The following DNM3 variants were observed in gnomAD, a reference collection of about 807,000 sequenced individuals.
DNM3 encodes the protein dynamin-3.
In DNM3, 47 loss-of-function variants were observed where a neutral mutation model predicts 101.6. The observed-to-expected ratio is 0.46, with a 90% confidence interval of 0.37 to 0.59. The LOEUF (loss-of-function observed/expected upper bound fraction) is 0.59. Among genes scored for constraint, DNM3 ranks in the 20% least tolerant of loss-of-function variants. The pLI, the probability that DNM3 is intolerant of heterozygous loss-of-function variation, is 0.00. For synonymous variants in DNM3, 385 were observed against 387.9 expected, an observed-to-expected ratio of 0.99 and a Z score of 0.09; for missense variants, 849 against 1,085.7, an observed-to-expected ratio of 0.78 and a Z score of 3.06.
chr1:172,327,552 T>C (rs1264259806), intron 17 of DNM3, among the ~76,000 whole-genome samples: 1 of 152,060 alleles, frequency 6.6e-6, no homozygotes, highest in East Asian at 1.9e-4. Flanking sequence ...GAGCAGAGAG[T>C]ACAGTGTCAT....
chr1:172,059,917 C>T (rs1226598971), intron 10 of DNM3, among the ~76,000 whole-genome samples: 2 of 127,028 alleles, frequency 1.6e-5, no homozygotes, highest in African/African-American at 6.1e-5. Context: ...TCCCTGTTTG[C>T]AGACGACATG....
chr1:171,889,490 A>G (rs1377323137), intron 1 of DNM3, among the ~76,000 whole-genome samples: 1 of 152,232 alleles, frequency 6.6e-6, no homozygotes, highest in East Asian at 1.9e-4. Flanking sequence ...GTGACTTTCC[A>G]GTAGTAGAAT....
chr1:172,336,179 G>A (rs2066420602), intron 17 of DNM3, among the ~76,000 whole-genome samples: 1 of 152,138 alleles, frequency 6.6e-6, no homozygotes, highest in African/African-American at 2.4e-5. Context: ...TAAAATGTCA[G>A]TAGTACTGCT....
At chr1:172,304,887 G>A (rs953489419) in intron 15 of DNM3, among the ~76,000 whole-genome samples, 1 of 152,286 alleles carries the variant, frequency 6.6e-6, no homozygotes, top group African/African-American at 2.4e-5. Context: ...AAAGCAGTGT[G>A]TAGAGGGAAA....
chr1:172,317,776 C>G (rs1449099890), intron 16 of DNM3, among the ~76,000 whole-genome samples: 2 of 152,126 alleles, frequency 1.3e-5, no homozygotes, highest in African/African-American at 4.8e-5. Context: ...GAGTCCAGGA[C>G]CAGATGGATT....
intron 2 of DNM3, among the ~76,000 whole-genome samples, chr1:171,950,478 T>A (rs2208369): frequency 1.3e-5 from 2 of 152,090 alleles, no homozygotes; most frequent in East Asian, 1.9e-4. Flanking sequence ...GTGTTCTGAG[T>A]GCATTTATAG....
chr1:171,878,128 G>A (rs552653696), intron 1 of DNM3, among the ~76,000 whole-genome samples: 1 of 151,782 alleles, frequency 6.6e-6, no homozygotes, highest in Admixed American at 6.6e-5. Context: ...AATAATTTAA[G>A]AAAAATGAAA....
At chr1:172,260,333 G>A (rs2062590756) in intron 15 of DNM3, among the ~76,000 whole-genome samples, 1 of 151,992 alleles carries the variant, frequency 6.6e-6, no homozygotes, top group Non-Finnish European at 1.5e-5. Context: ...TTTATTTGGG[G>A]ATCTTTGACT....
chr1:172,321,468 G>C (rs1336390306), intron 16 of DNM3, among the ~76,000 whole-genome samples: 1 of 152,160 alleles, frequency 6.6e-6, no homozygotes, highest in East Asian at 1.9e-4. Context: ...GCCACACAGA[G>C]TAGTGAAGGG....
At chr1:171,900,441 G>C in intron 1 of DNM3, among the ~76,000 whole-genome samples, 1 of 152,096 alleles carries the variant, frequency 6.6e-6, no homozygotes. Flanking sequence ...AAGGAGGCAA[G>C]GAGTTGGAGG....
intron 13 of DNM3, among the ~76,000 whole-genome samples, chr1:172,113,631 A>AC (rs1400050518): frequency 6.6e-6 from 1 of 151,092 alleles, no homozygotes; most frequent in Non-Finnish European, 1.5e-5. Context: ...AAAAAAAAAA[A>AC]AAAAAAAAAA....
Position 172,031,605 on chromosome 1 carries a change from G to C in DNM3, c.590-797G>C, listed in dbSNP as rs897434398. On this transcript the variant is annotated intron_variant, in intron 4 of 20. Coordinates refer to ENST00000627582, the MANE Select transcript of DNM3 (RefSeq NM_015569.5). Reference sequence around the variant, plus strand: ...CAATATAAATTACTAGGCAAATACTGTCCATTTCATCTAATGAAGAAAACA... The same window carrying C: ...CAATATAAATTACTAGGCAAATACTCTCCATTTCATCTAATGAAGAAAACA... 3.3e-5 allele frequency among the ~76,000 whole-genome samples: 5 copies of C among 152,256 alleles called. No homozygotes were observed. The South Asian group carries it at 8.3e-4, about 25-fold the overall frequency.
At chr1:172,108,605 T>C (rs1181488550) in intron 13 of DNM3, among the ~76,000 whole-genome samples, 1 of 152,218 alleles carries the variant, frequency 6.6e-6, no homozygotes, top group Non-Finnish European at 1.5e-5. Flanking sequence ...GGGAATGAAA[T>C]GTCTTACTCC....
At chr1:171,953,613 G>A (rs2042671280) in intron 2 of DNM3, among the ~76,000 whole-genome samples, 1 of 151,900 alleles carries the variant, frequency 6.6e-6, no homozygotes, top group East Asian at 1.9e-4. Flanking sequence ...ATTTTTAGTA[G>A]AGATGGGGTT....
intron 1 of DNM3, among the ~76,000 whole-genome samples, chr1:171,914,076 C>T (rs370916016): frequency 2.0e-5 from 3 of 152,190 alleles, no homozygotes; most frequent in Admixed American, 2.0e-4. Flanking sequence ...AGATGTAAGC[C>T]ACTGTGCATG....
chr1:172,164,893 C>T (rs538115403), intron 14 of DNM3, among the ~76,000 whole-genome samples: 6 of 152,112 alleles, frequency 3.9e-5, no homozygotes, highest in Non-Finnish European at 8.8e-5. Flanking sequence ...AGTGGCTGGG[C>T]TACACTGCAG....
chr1:172,166,393 A>G (rs1342137647), intron 14 of DNM3, among the ~76,000 whole-genome samples: 8 of 152,098 alleles, frequency 5.3e-5, no homozygotes, highest in Admixed American at 5.2e-4. Flanking sequence ...ACCTCACGAC[A>G]TAAGTTTTAT....
intron 4 of DNM3, among the ~76,000 whole-genome samples, chr1:172,011,276 A>T (rs1003953394): frequency 6.6e-6 from 1 of 151,924 alleles, no homozygotes; most frequent in South Asian, 2.1e-4. Context: ...CAGCTTCCTG[A>T]AAGTTCTTTT....
chr1:171,913,104 C>A (rs1428280125), intron 1 of DNM3, among the ~76,000 whole-genome samples: 4 of 152,202 alleles, frequency 2.6e-5, no homozygotes, highest in Non-Finnish European at 5.9e-5. Flanking sequence ...AAAGTGAGAA[C>A]TGACTTCTTT....
Sources: gnomAD v4.1 joint callset for allele counts (sites outside exome capture counted in the v4.1 genomes callset) on GRCh38, gnomAD v4.1.1 for gene constraint, MANE v1.5 for transcripts, NCBI Gene and HGNC (gene_info 2026-07-23, HGNC 2026-07-21) for gene names.